The following ERLIN2 variants were observed in gnomAD, a reference collection of about 807,000 sequenced individuals.
ERLIN2 encodes the protein ER lipid raft associated 2, also known as erlin-2.
In ERLIN2, 22 loss-of-function variants were observed where a neutral mutation model predicts 41.5. The observed-to-expected ratio is 0.53, with a 90% confidence interval of 0.38 to 0.76. The LOEUF (loss-of-function observed/expected upper bound fraction) is 0.76, where lower values mean the gene tolerates loss of function less well. Ranked by LOEUF, ERLIN2 falls within the 30% of genes least tolerant of loss-of-function variation. The probability of loss-of-function intolerance (pLI) is 0.00; values close to 1 mark genes in which losing one functional copy is unlikely to be tolerated. For synonymous variants in ERLIN2, 149 were observed against 150.9 expected (o/e 0.99, Z 0.09); for missense variants, 247 against 414.3 (o/e 0.60, Z 3.51).
In ERLIN2 at chr8:37,749,543, C is replaced by T. The variant is rs1455249334; in HGVS notation, c.425-16C>T. 6.2e-7 allele frequency: 1 copy of T among 1,600,170 alleles called. No homozygotes were observed. The highest frequency in any genetic ancestry group is 1.3e-5 in the African/African-American group (1 of 74,740). On this transcript the variant is annotated splice_polypyrimidine_tract_variant and intron_variant, in intron 6 of 11. Transcript: ENST00000519638. ...AGTGTAACAACTCCTTTTTCTCCAT[C>T]TTTTCTTTATTCCAGATCAGATTGA...
chr8:37,749,668 C>G, intron 7 of ERLIN2, 36 bp downstream of exon 7: 1 of 1,571,866 alleles, frequency 6.4e-7, no homozygotes, highest in Non-Finnish European at 8.8e-7. Flanking sequence ...CCCTCTCTCT[C>G]TGACACTGCT....
chr8:37,737,884 C>T, intron 1 of ERLIN2, 24 bp from the exon 2 acceptor site: 2 of 1,613,590 alleles, frequency 1.2e-6, no homozygotes, highest in South Asian at 1.1e-5. Context: ...GGACCACACA[C>T]ATTTTCCCGT....
intron 6 of ERLIN2, 94 bp from the exon 7 acceptor site, chr8:37,749,465 G>A: frequency 1.2e-6 from 1 of 854,244 alleles, no homozygotes; most frequent in South Asian, 1.3e-5. Context: ...GTACATTCTT[G>A]AGCTGGTGAT....
chr8:37,745,659 G>T, intron 6 of ERLIN2: 2 of 1,613,324 alleles, frequency 1.2e-6, no homozygotes, highest in Non-Finnish European at 1.7e-6. Flanking sequence ...CATCCACATC[G>T]CCAGCAATCA....
At position 37,750,378 on chromosome 8, in the gene ERLIN2, C is replaced by T. The variant is rs1331207546; in HGVS notation, c.558-17C>T. 6.2e-7 allele frequency: 1 copy of T among 1,605,288 alleles called. No homozygotes were observed. The highest frequency in any genetic ancestry group is 1.7e-5 in the Admixed American group (1 of 60,018). ...TGAGTTTTCCATAGCTGCCTCACGGCTTTTTCTTCTCTTCAGGGAAAGTGA... is the reference window on the plus strand; with the variant it reads ...TGAGTTTTCCATAGCTGCCTCACGGTTTTTTCTTCTCTTCAGGGAAAGTGA... On this transcript the variant is annotated splice_polypyrimidine_tract_variant and intron_variant, in intron 8 of 11. Coordinates refer to ENST00000519638, the MANE Select transcript of ERLIN2 (RefSeq NM_007175.8).
At chr8:37,750,582 C>A in intron 9 of ERLIN2, 96 bp downstream of exon 9, 1 of 986,148 alleles carries the variant, frequency 1.0e-6, no homozygotes, top group Non-Finnish European at 1.6e-6. Context: ...ACCCCATGGT[C>A]CTCCAAACCA....
chr8:37,751,660 C>T lies in ERLIN2; in HGVS notation c.684C>T (p.Thr228=). 1 of 1,613,944 alleles carries T rather than the reference C, an allele frequency of 6.2e-7. No homozygotes were observed. Among genetic ancestry groups the T allele is most frequent in the South Asian group, 1.1e-5 (1 of 91,068 alleles). ...AAGTGGCCCAGGTGGCTGAGATCAC[C>T]TACGGGCAGAAGGTGATGGAGAAGG... ...AEKVAQVAEI[T]YGQKVMEKET... Residue 228 remains threonine, a synonymous_variant, in exon 10 of 12, where the codon ACC becomes ACT. Coordinates refer to ENST00000519638, the MANE Select transcript of ERLIN2 (RefSeq NM_007175.8).
Position 37,744,280 on chromosome 8 carries a change from T to TA in ERLIN2, c.237-74dup, listed in dbSNP as rs1802957216. On this transcript the variant is annotated intron_variant, in intron 4 of 11. Transcript: ENST00000519638. ...TCCTTTTCTGCCAAGCCCCACATCT[T>TA]ACGCCATCACCCTGGGGGACTGCAC... 20 of 1,260,412 alleles carry TA rather than the reference T, an allele frequency of 1.6e-5. No homozygotes were observed. In the East Asian group the frequency reaches 4.2e-4, roughly 26 times the overall value. 78.1% of individuals were successfully genotyped at this position (1,260,412 alleles called of 1,614,324 possible). A position where few individuals can be genotyped will look rare whatever the true frequency, so the allele number is the denominator to read the frequency against.
At chr8:37,747,804 C>G in intron 6 of ERLIN2, 2 of 1,614,160 alleles carry the variant, frequency 1.2e-6, no homozygotes, top group Non-Finnish European at 1.7e-6. Context: ...TGTTACAAAA[C>G]TTATGGGCAT....
chr8:37,741,898 G>A lies in ERLIN2; in HGVS notation c.236+80G>A. 9.3e-7 allele frequency: 1 copy of A among 1,076,610 alleles called. No homozygotes were observed. The highest frequency in any genetic ancestry group is 1.3e-5 in the South Asian group (1 of 79,854). The allele number at this position is 1,076,610 out of a possible 1,614,324, so 66.7% of individuals were successfully genotyped here. On this transcript the variant is annotated intron_variant, in intron 4 of 11. Coordinates refer to ENST00000519638, the MANE Select transcript of ERLIN2 (RefSeq NM_007175.8). This position sits in a 1 kb window ranked among gnomAD's most constrained non-coding sequence, Gnocchi z 4.8. ...CTGGCTGGTTGCAGGAAGAGACAGT[G>A]AAAAGGGAGGCACCCTTTCTTGGTT...
rs1383026566 is a variant in ERLIN2, at chr8:37,755,431, A to G, written c.*1316A>G. 6.6e-6 allele frequency: 1 copy of G among 152,240 alleles called. No homozygotes were observed. The highest frequency in any genetic ancestry group is 1.5e-5 in the Non-Finnish European group (1 of 68,074). The allele number at this position is 152,240 out of a possible 1,614,324, so 9.4% of individuals were successfully genotyped here. ...GAGGGGTAGGGGGTGTCCAACCTGTATAGCCCATGGGTTGTGTCTAGAATT... is the reference window on the plus strand; with the variant it reads ...GAGGGGTAGGGGGTGTCCAACCTGTGTAGCCCATGGGTTGTGTCTAGAATT... On this transcript the variant is annotated 3_prime_UTR_variant, in exon 12 of 12. Coordinates refer to ENST00000519638, the MANE Select transcript of ERLIN2 (RefSeq NM_007175.8).
At chr8:37,744,026 C>G (rs1473579715) in intron 4 of ERLIN2, among the ~76,000 whole-genome samples, 3 of 152,190 alleles carry the variant, frequency 2.0e-5, no homozygotes, top group South Asian at 2.1e-4. Context: ...AAAACTTCAC[C>G]TTGACCCTCC....
intron 6 of ERLIN2, chr8:37,745,490 C>T: frequency 7.2e-7 from 1 of 1,393,776 alleles, no homozygotes; most frequent in Non-Finnish European, 1.0e-6. Context: ...TGTTTAAACT[C>T]ACTGCCAGAA....
At position 37,749,832 on chromosome 8, in the gene ERLIN2, C is replaced by T; in HGVS notation, c.537C>T (p.Ile179=). 1.2e-6 allele frequency: 2 copies of T among 1,614,202 alleles called. No homozygotes were observed. The highest frequency in any genetic ancestry group is 4.5e-5 in the East Asian group (2 of 44,884). ...CAAAGCCCAACATACCAGAGGCAAT[C>T]CGCAGAAACTACGAGTTGATGTGAG... is the stretch of plus-strand genomic sequence containing the variant. ...RVTKPNIPEA[I]RRNYELMESE... is the part of the protein sequence containing the mutation. The change falls in exon 8 of 12, where the codon ATC becomes ATT. Residue 179 remains isoleucine, a synonymous_variant. Coordinates refer to ENST00000519638, the MANE Select transcript of ERLIN2 (RefSeq NM_007175.8).
At chr8:37,742,271 G>A (rs1033812474) in intron 4 of ERLIN2, among the ~76,000 whole-genome samples, 6 of 151,586 alleles carry the variant, frequency 4.0e-5, no homozygotes, top group Non-Finnish European at 8.8e-5. Context: ...AACCTGGGAG[G>A]CAGAGATTGC....
intron 6 of ERLIN2, among the ~76,000 whole-genome samples, chr8:37,748,771 G>A (rs1015342471): frequency 1.3e-5 from 2 of 152,206 alleles, no homozygotes; most frequent in Admixed American, 6.5e-5. Flanking sequence ...TGGGCAGAAG[G>A]CAAGGAAGAG....
intron 6 of ERLIN2, 180 bp downstream of exon 6, chr8:37,744,876 A>G: frequency 1.4e-6 from 1 of 731,430 alleles, no homozygotes; most frequent in South Asian, 1.5e-5. Context: ...GCTGATAGCT[A>G]TGCAACAAGA....
chr8:37,750,356 G>T lies in ERLIN2; in HGVS notation c.558-39G>T, dbSNP rs781426171. The T allele has an allele frequency of 2.6e-6, 4 of 1,541,498 alleles. No individual in the cohort carries two copies. The South Asian group carries it at 4.5e-5, about 17-fold the overall frequency. ...TACCTGGGGATAGTGAAGCTCCTGA[G>T]TTTTCCATAGCTGCCTCACGGCTTT... On this transcript the variant is annotated intron_variant, in intron 8 of 11. Transcript: ENST00000519638.
chr8:37,751,630 A>G lies in ERLIN2; in HGVS notation c.654A>G (p.Ala218=). Reference sequence around the variant, plus strand: ...TCCTCACTATCATTTATTCAGAGGCAGAAAAAGTGGCCCAGGTGGCTGAGA... The same window carrying G: ...TCCTCACTATCATTTATTCAGAGGCGGAAAAAGTGGCCCAGGTGGCTGAGA... ...ETERKKALIE[A]EKVAQVAEIT... is the part of the protein sequence containing the mutation. Residue 218 remains alanine (A), a synonymous_variant, in exon 10 of 12, where the codon GCA becomes GCG. Coordinates refer to ENST00000519638, the MANE Select transcript of ERLIN2 (RefSeq NM_007175.8). 6.2e-7 allele frequency: 1 copy of G among 1,612,584 alleles called. No homozygotes were observed. The highest frequency in any genetic ancestry group is 8.5e-7 in the Non-Finnish European group (1 of 1,178,560).
Sources: gnomAD v4.1 joint callset for allele counts (sites outside exome capture counted in the v4.1 genomes callset) on GRCh38, gnomAD v4.1.1 for gene constraint, Gnocchi (gnomAD v3.1) non-coding constraint, MANE v1.5 for transcripts, NCBI Gene and HGNC (gene_info 2026-07-23, HGNC 2026-07-21) for gene names.